Variants in GRIP1 observed in about 807,000 individuals in gnomAD.
GRIP1 encodes glutamate receptor-interacting protein 1.
A neutral mutation model predicts 129.9 loss-of-function variants in GRIP1; 45 were observed. That is an observed-to-expected ratio of 0.35 (90% CI 0.27 to 0.44). GRIP1 has a LOEUF of 0.44. GRIP1 is among the 20% of genes least tolerant of loss of function. GRIP1 has a pLI of 1.00. For missense variants in GRIP1, 1,196 were observed against 1,396.8 expected (o/e 0.86, Z 2.29); for synonymous variants, 530 against 520.8 (o/e 1.02, Z -0.24).
At chr12:66,736,607 G>C (rs1472826073) in intron 1 of GRIP1, among the ~76,000 whole-genome samples, 1 of 151,822 alleles carries the variant, frequency 6.6e-6, no homozygotes, top group East Asian at 1.9e-4. Context: ...AGGAGGAAAA[G>C]AAGGGGTTGA....
chr12:66,581,548 T>C (rs201271289), intron 2 of GRIP1, among the ~76,000 whole-genome samples: 21,191 of 127,150 alleles, frequency 0.17, 1,691 homozygotes, highest in Admixed American at 0.19. Flanking sequence ...ATCAAATAGA[T>C]GCAATAAAAA....
chr12:66,699,743 T>C (rs550322690), intron 1 of GRIP1, among the ~76,000 whole-genome samples: 23 of 152,292 alleles, frequency 1.5e-4, no homozygotes, highest in African/African-American at 5.1e-4. Context: ...AAGCTGATAT[T>C]GAAGAAAGTG....
intron 16 of GRIP1, among the ~76,000 whole-genome samples, chr12:66,397,288 G>T (rs571043483): frequency 6.6e-6 from 1 of 152,106 alleles, no homozygotes; most frequent in South Asian, 2.1e-4. Flanking sequence ...AAAGTAGGCG[G>T]ATCACCTTAG....
chr12:66,595,556 C>T (rs903884117), intron 2 of GRIP1, among the ~76,000 whole-genome samples: 9 of 152,122 alleles, frequency 5.9e-5, no homozygotes, highest in Non-Finnish European at 8.8e-5. Flanking sequence ...GAACTTCAAA[C>T]GGGATATTTC....
chr12:66,891,787 T>C (rs555960817), intron 1 of GRIP1: 2 of 152,104 alleles, frequency 1.3e-5, no homozygotes, highest in South Asian at 4.2e-4. Context: ...CATTAGAAAA[T>C]ATGACTGAGG....
At position 66,723,255 on chromosome 12, in the gene GRIP1, C is replaced by T. The variant is rs1376396080; in HGVS notation, c.-420+80798G>A. 2.9e-3 allele frequency among the ~76,000 whole-genome samples: 22 copies of T among 7,692 alleles called. 1 individual carries two copies. Among genetic ancestry groups the T allele is most frequent in the African/African-American group, 0.012 (18 of 1,542 alleles). 5.0% of individuals were successfully genotyped at this position (7,692 alleles called of 152,430 possible). On this transcript the variant is annotated intron_variant, in intron 1 of 4. Transcript: ENST00000538373. ...CTCTCTCTCTCTTCCTTCCTTCCTT[C>T]CTTCCTTCCTTCCTTCCTTCCTTCC...
chr12:66,444,488 G>A (rs1242419654), intron 13 of GRIP1, 96 bp downstream of exon 13: 40 of 925,276 alleles, frequency 4.3e-5, no homozygotes, highest in East Asian at 4.3e-4. Context: ...GCGAGACTCC[G>A]TCTCAAAAAA....
At chr12:66,629,858 T>G (rs754567858) in intron 1 of GRIP1, among the ~76,000 whole-genome samples, 1 of 152,218 alleles carries the variant, frequency 6.6e-6, no homozygotes, top group Non-Finnish European at 1.5e-5. Context: ...TCTAGTTTCA[T>G]ATAGCTTAAT....
In GRIP1 at chr12:66,492,168, T is replaced by TA. The variant is rs796552698; in HGVS notation, c.724+23450dup. ...GCTACAGTTGGCTTCATGTTTCAGT[T>TA]AAAAAAAAAAAAAAGTATCCTAGTT... On this transcript the variant is annotated intron_variant, in intron 7 of 24. Transcript: ENST00000359742. 1.3e-3 allele frequency among the ~76,000 whole-genome samples: 184 copies of TA among 140,020 alleles called. 1 individual carries two copies. The highest frequency in any genetic ancestry group is 3.0e-3 in the African/African-American group (113 of 38,088). The allele number at this position is 140,020 out of a possible 152,430, so 91.9% of individuals were successfully genotyped here.
chr12:66,604,881 G>T (rs924968999), intron 1 of GRIP1, among the ~76,000 whole-genome samples: 9 of 151,630 alleles, frequency 5.9e-5, no homozygotes, highest in African/African-American at 2.2e-4. Context: ...GTATTAACAG[G>T]TATAAACTTG....
At chr12:66,599,508 A>C (rs2064188483) in intron 1 of GRIP1, among the ~76,000 whole-genome samples, 2 of 152,186 alleles carry the variant, frequency 1.3e-5, no homozygotes, top group Admixed American at 1.3e-4. Context: ...TTTTATAAAA[A>C]GCTACCCATC....
At chr12:67,034,756 G>C (rs1449672275) in intron 1 of GRIP1, among the ~76,000 whole-genome samples, 2 of 152,154 alleles carry the variant, frequency 1.3e-5, no homozygotes, top group Admixed American at 1.3e-4. Flanking sequence ...ATGATGCTCT[G>C]ACAGCTACAA....
chr12:66,805,941 TAAA>T (rs1293516688), upstream of GRIP1, among the ~76,000 whole-genome samples: 1 of 150,590 alleles, frequency 6.6e-6, no homozygotes, highest in African/African-American at 2.4e-5. Context: ...ATCTTTAAAT[TAAA>T]AAAATCACTT....
intron 1 of GRIP1, among the ~76,000 whole-genome samples, chr12:66,866,561 C>T (rs1252176175): frequency 6.6e-6 from 1 of 152,128 alleles, no homozygotes; most frequent in Non-Finnish European, 1.5e-5. Context: ...GATAGCACAA[C>T]AGGGTGACTG....
intron 1 of GRIP1, among the ~76,000 whole-genome samples, chr12:66,810,505 C>T (rs961047617): frequency 1.3e-5 from 2 of 152,000 alleles, no homozygotes; most frequent in Non-Finnish European, 2.9e-5. Context: ...TTGCAGTGAG[C>T]GAGATCACGC....
intron 11 of GRIP1, 70 bp downstream of exon 11, chr12:66,455,339 G>T (rs559588369): frequency 1.5e-6 from 2 of 1,363,784 alleles, no homozygotes; most frequent in Non-Finnish European, 2.1e-6. Flanking sequence ...CCACAATTTC[G>T]GTATTTTCAA....
At chr12:66,865,487 A>C (rs1033347775) in intron 1 of GRIP1, among the ~76,000 whole-genome samples, 1 of 150,030 alleles carries the variant, frequency 6.7e-6, no homozygotes, top group Non-Finnish European at 1.5e-5. Context: ...TTTTTTTTGC[A>C]TGGATAGAAA....
chr12:66,915,828 G>A (rs768311238), intron 1 of GRIP1, among the ~76,000 whole-genome samples: 15 of 152,188 alleles, frequency 9.9e-5, no homozygotes, highest in African/African-American at 2.2e-4. Context: ...GGGATGAGAC[G>A]AGGAAGAAAA....
At chr12:66,945,241 T>C (rs2041649149) in intron 1 of GRIP1, among the ~76,000 whole-genome samples, 2 of 152,132 alleles carry the variant, frequency 1.3e-5, no homozygotes, top group African/African-American at 2.4e-5. Flanking sequence ...TCGTGGCAGT[T>C]TGGCGTACAG....
Sources: gnomAD v4.1 joint callset for allele counts (sites outside exome capture counted in the v4.1 genomes callset) on GRCh38, gnomAD v4.1.1 for gene constraint, MANE v1.5 for transcripts, NCBI Gene and HGNC (gene_info 2026-07-23, HGNC 2026-07-21) for gene names.